Variants in JADE1 observed in about 807,000 individuals in gnomAD.
JADE1 encodes jade family PHD finger 1.
JADE1 carries 14 observed loss-of-function variants against 81.8 expected under a neutral mutation model. The observed-to-expected ratio is 0.17, with a 90% CI of 0.11 to 0.27. JADE1 has a LOEUF of 0.27. JADE1 is among the 10% of genes least tolerant of loss of function. JADE1 has a pLI of 1.00. For missense variants in JADE1, 690 were observed against 1,047.9 expected, an observed-to-expected ratio of 0.66 and a Z score of 4.71; for synonymous variants, 353 against 391.9, an observed-to-expected ratio of 0.90 and a Z score of 1.17.
In JADE1 at chr4:128,871,443, G is replaced by T; in HGVS notation, c.1710G>T (p.Glu570Asp). Reference sequence around the variant, plus strand: ...TTGGCCCTGATGCTCCCAAGATAGAGGACTTGAAGTGGCATTCTGCATTCT... The same window carrying T: ...TTGGCCCTGATGCTCCCAAGATAGATGACTTGAAGTGGCATTCTGCATTCT... ...PSVGPDAPKIEDLKWHSAFFR... is the reference protein window; with the variant it reads ...PSVGPDAPKIDDLKWHSAFFR... The change falls in exon 11 of 11, where the codon GAG (glutamate) becomes GAT (aspartate). Residue 570 changes from glutamate (E) to aspartate (D), a missense_variant. Transcript: ENST00000226319. This position sits in a 1 kb window ranked among gnomAD's most constrained non-coding sequence, Gnocchi z 4.1. The T allele has an allele frequency of 1.2e-6, 2 of 1,614,196 alleles. No individual in the cohort carries two copies. Among genetic ancestry groups the T allele is most frequent in the Non-Finnish European group, 1.7e-6 (2 of 1,180,028 alleles).
intron 1 of JADE1, among the ~76,000 whole-genome samples, chr4:128,827,308 A>G (rs1268868147): frequency 1.3e-5 from 2 of 152,234 alleles, no homozygotes; most frequent in African/African-American, 4.8e-5. Flanking sequence ...AAGCAAGGTG[A>G]AAAAGTTCTA....
chr4:128,857,329 G>T lies in JADE1; in HGVS notation c.865-9G>T. On this transcript the variant is annotated splice_polypyrimidine_tract_variant and intron_variant, in intron 7 of 10. Coordinates refer to ENST00000226319, the MANE Select transcript of JADE1 (RefSeq NM_199320.4). The stretch of plus-strand genomic sequence containing the variant: ...GAGCCACCCTGTCTTGCTGTTTTCC[G>T]ACCTTTAGGTGAGCATTGGCAGCCC... 6.2e-6 allele frequency: 10 copies of T among 1,611,942 alleles called. No individual in the cohort carries two copies. The highest frequency in any genetic ancestry group is 2.2e-5 in the South Asian group (2 of 90,992).
rs1731348051 is a variant in JADE1 at position 128,861,710 on chromosome 4, G to C, written c.988G>C (p.Val330Leu). Residue 330 changes from valine (V) to leucine (L), a missense_variant, in exon 9 of 11, where the codon GTG becomes CTG. Val to Leu is a conservative substitution (Grantham distance 32, BLOSUM62 1). Around this residue, in one of 8 missense-constraint regions of JADE1, gnomAD observed 84 missense variants for 226.6 expected, o/e 0.37. Transcript: ENST00000226319. ...CTTTGTGTGTTCTTGACAGTGCTCT[G>C]TGAAGAACTGCCGCACAGCCTTCCA... Reference protein sequence around the residue: ...EKFGASIQCSVKNCRTAFHVT... With the variant: ...EKFGASIQCSLKNCRTAFHVT... The C allele has an allele frequency of 6.2e-7, 1 of 1,614,060 alleles. No homozygotes were observed. Among genetic ancestry groups the C allele is most frequent in the Non-Finnish European group, 8.5e-7 (1 of 1,179,952 alleles).
At position 128,862,782 on chromosome 4, in the gene JADE1, T is replaced by G. The variant is rs542320346; in HGVS notation, c.1503+557T>G. ...CACAGGGGAATTCCCAGTACTGTCA[T>G]GGAGCAGAGCAGGCAGTGGGTGCTG... On this transcript the variant is annotated intron_variant, in intron 9 of 10. Coordinates refer to ENST00000226319, the MANE Select transcript of JADE1 (RefSeq NM_199320.4). 190 of 1,003,098 alleles carry G rather than the reference T, an allele frequency of 1.9e-4. 2 individuals carry two copies. The South Asian group carries it at 7.0e-3, about 37-fold the overall frequency. 62.1% of individuals were successfully genotyped at this position (1,003,098 alleles called of 1,614,324 possible).
At chr4:128,850,448 A>C (rs1165715061) in intron 5 of JADE1, among the ~76,000 whole-genome samples, 2 of 152,220 alleles carry the variant, frequency 1.3e-5, no homozygotes, top group Non-Finnish European at 2.9e-5. Context: ...CATTAGGCTC[A>C]CCACCTGTTG....
At chr4:128,815,603 A>G (rs1726960777) in intron 1 of JADE1, among the ~76,000 whole-genome samples, 1 of 152,196 alleles carries the variant, frequency 6.6e-6, no homozygotes, top group Non-Finnish European at 1.5e-5. Flanking sequence ...GTGTTTCAGT[A>G]CTGAGGTGGT....
At chr4:128,833,829 A>G (rs1728755365) in intron 2 of JADE1, among the ~76,000 whole-genome samples, 2 of 152,228 alleles carry the variant, frequency 1.3e-5, no homozygotes, top group Non-Finnish European at 2.9e-5. Context: ...CATCAGGTGT[A>G]TGCTCACTCT....
intron 6 of JADE1, among the ~76,000 whole-genome samples, chr4:128,853,915 C>G (rs1207008929): frequency 6.6e-6 from 1 of 152,194 alleles, no homozygotes; most frequent in Non-Finnish European, 1.5e-5. Flanking sequence ...GTCTGTTGCT[C>G]TGGATCTCAC....
At chr4:128,861,260 C>T (rs895973589) in intron 8 of JADE1, among the ~76,000 whole-genome samples, 1 of 152,240 alleles carries the variant, frequency 6.6e-6, no homozygotes, top group East Asian at 1.9e-4. Context: ...TTTCTCTACA[C>T]ATGTCATTTG....
chr4:128,845,925 GAAA>G (rs773359190), intron 3 of JADE1, among the ~76,000 whole-genome samples: 3 of 141,310 alleles, frequency 2.1e-5, no homozygotes, highest in African/African-American at 7.8e-5. Flanking sequence ...TTCCATCTCA[GAAA>G]AAAAAAAAAG....
At chr4:128,867,766 G>T in intron 9 of JADE1, 90 bp from the exon 10 acceptor site, 2 of 716,538 alleles carry the variant, frequency 2.8e-6, no homozygotes, top group Non-Finnish European at 4.7e-6. Context: ...CCTAGTAGGA[G>T]TAATTTCTCT....
chr4:128,814,916 A>G (rs1300661157), intron 1 of JADE1, among the ~76,000 whole-genome samples: 2 of 151,582 alleles, frequency 1.3e-5, no homozygotes, highest in East Asian at 3.9e-4. Context: ...AATATAATCT[A>G]TTACTGTAAC....
intron 1 of JADE1, among the ~76,000 whole-genome samples, chr4:128,813,584 A>G (rs78485697): frequency 6.6e-6 from 1 of 151,624 alleles, no homozygotes; most frequent in Non-Finnish European, 1.5e-5. Context: ...ACGGCTGGCT[A>G]ATTTTTTTTT....
chr4:128,849,013 C>T lies in JADE1; in HGVS notation c.330C>T (p.Ile110=), dbSNP rs202077606. 3 of 1,614,052 alleles carry T rather than the reference C, an allele frequency of 1.9e-6. No individual in the cohort carries two copies. The highest frequency in any genetic ancestry group is 2.5e-6 in the Non-Finnish European group (3 of 1,179,998). The change falls in exon 5 of 11, where the codon ATC becomes ATT. Residue 110 remains isoleucine, a synonymous_variant. Coordinates refer to ENST00000226319, the MANE Select transcript of JADE1 (RefSeq NM_199320.4). ...CTGAAGAGAAATCCCTCATGTTCAT[C>T]AGGCCCAAGAAGTACATCGTGTCAT... The part of the protein sequence containing the change: ...VVSEEKSLMF[I]RPKKYIVSSG...
chr4:128,858,898 G>A (rs1054830774), intron 8 of JADE1, among the ~76,000 whole-genome samples: 1 of 152,054 alleles, frequency 6.6e-6, no homozygotes, highest in Non-Finnish European at 1.5e-5. Flanking sequence ...TTGAGCCACC[G>A]CGCCTGGCTA....
chr4:128,835,865 C>T (rs544609257), intron 2 of JADE1, among the ~76,000 whole-genome samples: 2 of 152,336 alleles, frequency 1.3e-5, no homozygotes, highest in African/African-American at 4.8e-5. Context: ...GTGGTATTTA[C>T]AGTTGGGGAC....
intron 9 of JADE1, among the ~76,000 whole-genome samples, chr4:128,867,553 G>A (rs1464507057): frequency 6.6e-6 from 1 of 152,224 alleles, no homozygotes; most frequent in Non-Finnish European, 1.5e-5. Context: ...GTGCCGGGAT[G>A]GGTTAGGTGT....
chr4:128,813,519 A>G (rs1726689310), intron 1 of JADE1, among the ~76,000 whole-genome samples: 1 of 150,496 alleles, frequency 6.6e-6, no homozygotes, highest in Non-Finnish European at 1.5e-5. Flanking sequence ...CCTGGGTTCA[A>G]GCGATTCTCC....
intron 10 of JADE1, among the ~76,000 whole-genome samples, chr4:128,870,282 A>G (rs1289830905): frequency 6.6e-6 from 1 of 152,132 alleles, no homozygotes; most frequent in African/African-American, 2.4e-5. Flanking sequence ...CTGTGTTCTG[A>G]GTCGCTAGCT....
Sources: allele counts gnomAD v4.1 joint callset (sites outside exome capture counted in the v4.1 genomes callset), GRCh38; gene constraint gnomAD v4.1.1; regional missense constraint gnomAD v4.1.1; non-coding constraint Gnocchi (gnomAD v3.1); transcripts MANE v1.5; gene names NCBI Gene and HGNC (gene_info 2026-07-23, HGNC 2026-07-21).